The following CUEDC1 variants were observed in gnomAD, a reference collection of about 807,000 sequenced individuals.
CUEDC1 encodes CUE domain-containing protein 1.
CUEDC1 carries 30 observed loss-of-function variants against 43.7 expected under a neutral mutation model. The ratio of observed to expected loss-of-function variants is 0.69; its 90% confidence interval spans 0.51 to 0.93. The LOEUF is 0.93. CUEDC1 is among the 40% of genes least tolerant of loss of function. CUEDC1 has a pLI of 0.00. For missense variants in CUEDC1, 486 were observed against 549.0 expected, an observed-to-expected ratio of 0.89 and a Z score of 1.15; for synonymous variants, 223 against 223.6, an observed-to-expected ratio of 1.00 and a Z score of 0.02.
rs906895633 is a variant in CUEDC1, at chr17:57,954,828, G to A, written c.-316+397C>T. Among the ~76,000 whole-genome samples the A allele has an allele frequency of 1.3e-5, 2 of 151,978 alleles. No homozygotes were observed. The highest frequency in any genetic ancestry group is 1.9e-4 in the East Asian group (1 of 5,158). ...TGCGGGGAGGGGCGCCCACACAAAA[G>A]GGGGAGCGGCGGGAGAGGGGACTCG... is the stretch of plus-strand genomic sequence containing the variant. On this transcript the variant is annotated intron_variant, in intron 1 of 10. Transcript: ENST00000577830. This position sits in a 1 kb window ranked among gnomAD's most constrained non-coding sequence, Gnocchi z 4.3.
chr17:57,947,738 T>C (rs1243937212), intron 1 of CUEDC1, among the ~76,000 whole-genome samples: 3 of 152,062 alleles, frequency 2.0e-5, no homozygotes, highest in African/African-American at 4.8e-5. Context: ...GAGGCAGAGG[T>C]TGCAGTGAGC....
intron 1 of CUEDC1, among the ~76,000 whole-genome samples, chr17:57,899,876 GC>G (rs1465517758): frequency 6.6e-6 from 1 of 151,552 alleles, no homozygotes; most frequent in African/African-American, 2.4e-5. Flanking sequence ...CCCTCCCACA[GC>G]CCACCCTCCA....
intron 9 of CUEDC1, chr17:57,866,779 C>T (rs1438741486): frequency 1.9e-6 from 1 of 531,242 alleles, no homozygotes; most frequent in African/African-American, 1.9e-5. Flanking sequence ...CTCCCCTCGT[C>T]TTTGGGCCTC....
chr17:57,919,150 G>A (rs1052890419), intron 1 of CUEDC1, among the ~76,000 whole-genome samples: 2 of 151,258 alleles, frequency 1.3e-5, no homozygotes, highest in Admixed American at 6.6e-5. Flanking sequence ...CCTGCACCCG[G>A]GAATATATGT....
intron 1 of CUEDC1, among the ~76,000 whole-genome samples, chr17:57,920,706 A>C (rs1246209574): frequency 6.9e-6 from 1 of 144,986 alleles, no homozygotes; most frequent in Non-Finnish European, 1.5e-5. Context: ...ATCTCGGCTC[A>C]CTGCAAACTC....
intron 1 of CUEDC1, chr17:57,903,327 T>A (rs1231329220): frequency 6.6e-6 from 1 of 152,258 alleles, no homozygotes; most frequent in Non-Finnish European, 1.5e-5. Flanking sequence ...TGTATTTCCA[T>A]GGCAGCCACA....
At chr17:57,921,984 G>A (rs189975111) in intron 1 of CUEDC1, among the ~76,000 whole-genome samples, 18 of 152,266 alleles carry the variant, frequency 1.2e-4, no homozygotes, top group East Asian at 5.8e-4. Flanking sequence ...ATGGTGGCAC[G>A]TGCCTGTAGT....
chr17:57,941,386 G>A (rs1254429138), intron 1 of CUEDC1, among the ~76,000 whole-genome samples: 1 of 152,178 alleles, frequency 6.6e-6, no homozygotes, highest in Non-Finnish European at 1.5e-5. Context: ...GGTAGACAGG[G>A]TTGCCATATA....
intron 1 of CUEDC1, among the ~76,000 whole-genome samples, chr17:57,947,272 T>C (rs1430845806): frequency 6.6e-6 from 1 of 152,088 alleles, no homozygotes; most frequent in African/African-American, 2.4e-5. Context: ...CTGCTACTTC[T>C]CTCTTATTTG....
At chr17:57,928,642 T>C (rs1158717702) in intron 1 of CUEDC1, among the ~76,000 whole-genome samples, 2 of 151,218 alleles carry the variant, frequency 1.3e-5, no homozygotes, top group African/African-American at 4.9e-5. Context: ...CCGATTTGAG[T>C]CCTCTACGTT....
chr17:57,875,492 C>T (rs2074108416), intron 3 of CUEDC1, among the ~76,000 whole-genome samples: 1 of 152,156 alleles, frequency 6.6e-6, no homozygotes, highest in Non-Finnish European at 1.5e-5. Flanking sequence ...ATGAGGTCAG[C>T]CCACAGCTGC....
At chr17:57,885,160 C>G in intron 2 of CUEDC1, 69 bp downstream of exon 2, 1 of 1,484,996 alleles carries the variant, frequency 6.7e-7, no homozygotes, top group Non-Finnish European at 9.0e-7. Flanking sequence ...ATTACCCGGG[C>G]CGTGCCCCTA....
At chr17:57,932,281 C>CAAAA (rs56137797) in intron 1 of CUEDC1, among the ~76,000 whole-genome samples, 23 of 121,948 alleles carry the variant, frequency 1.9e-4, no homozygotes, top group African/African-American at 3.1e-4. Flanking sequence ...CACTGTGTCT[C>CAAAA]AAAAAAAAAA....
At chr17:57,946,864 T>A (rs1359432538) in intron 1 of CUEDC1, among the ~76,000 whole-genome samples, 2 of 152,054 alleles carry the variant, frequency 1.3e-5, no homozygotes, top group Non-Finnish European at 2.9e-5. Context: ...AGTGCTGCCT[T>A]CCCCAACTCC....
At chr17:57,927,842 T>A (rs1484747599) in intron 1 of CUEDC1, among the ~76,000 whole-genome samples, 3 of 152,238 alleles carry the variant, frequency 2.0e-5, no homozygotes, top group African/African-American at 7.2e-5. Context: ...TATTATCCCA[T>A]CTAACTTCAC....
chr17:57,885,188 T>A (rs758842367), intron 2 of CUEDC1, 41 bp downstream of exon 2: 7 of 1,508,924 alleles, frequency 4.6e-6, no homozygotes, highest in Non-Finnish European at 6.2e-6. Context: ...GGGGATGCTG[T>A]CCTCCAGTGG....
Position 57,930,128 on chromosome 17 carries a change from G to A in CUEDC1, c.-316+25097C>T, listed in dbSNP as rs541002091. Among the ~76,000 whole-genome samples, 25 of 152,234 alleles carry A rather than the reference G, an allele frequency of 1.6e-4. No homozygotes were observed. The highest frequency in any genetic ancestry group is 2.8e-4 in the Non-Finnish European group (19 of 68,020). ...ACTTCTCAGACTTTAATGTGCACAC[G>A]AACCACTGGGGACCTTGTTAAAATG... On this transcript the variant is annotated intron_variant, in intron 1 of 10. Coordinates refer to ENST00000577830, the MANE Select transcript of CUEDC1 (RefSeq NM_001271875.2). This position sits in a 1 kb window ranked among gnomAD's most constrained non-coding sequence, Gnocchi z 4.2.
chr17:57,921,157 T>C (rs1286472863), intron 1 of CUEDC1, among the ~76,000 whole-genome samples: 1 of 152,234 alleles, frequency 6.6e-6, no homozygotes, highest in Non-Finnish European at 1.5e-5. Flanking sequence ...TGCTTGGAGC[T>C]GGAAGACAAC....
intron 1 of CUEDC1, among the ~76,000 whole-genome samples, chr17:57,914,151 A>G (rs1490378397): frequency 6.6e-6 from 1 of 152,240 alleles, no homozygotes; most frequent in Non-Finnish European, 1.5e-5. Flanking sequence ...AGCATAGAGC[A>G]GGCAAGGAAT....
Sources: allele counts gnomAD v4.1 joint callset (sites outside exome capture counted in the v4.1 genomes callset), GRCh38; gene constraint gnomAD v4.1.1; non-coding constraint Gnocchi (gnomAD v3.1); transcripts MANE v1.5; gene names NCBI Gene and HGNC (gene_info 2026-07-23, HGNC 2026-07-21).